ATF6: variants seen among roughly 807,000 people sequenced by gnomAD.
ATF6 encodes the protein activating transcription factor 6.
ATF6 carries 53 observed loss-of-function variants against 83.6 expected under a neutral mutation model. The observed-to-expected ratio is 0.63, with a 90% CI of 0.51 to 0.80. The LOEUF (loss-of-function observed/expected upper bound fraction) is 0.80, where lower values mean the gene tolerates loss of function less well. ATF6 is among the 30% of genes least tolerant of loss of function. The pLI, the probability that ATF6 is intolerant of heterozygous loss-of-function variation, is 0.00. For synonymous variants in ATF6, 288 were observed against 285.8 expected, an observed-to-expected ratio of 1.01 and a Z score of -0.08; for missense variants, 744 against 797.9, an observed-to-expected ratio of 0.93 and a Z score of 0.81.
chr1:161,947,222 A>G (rs1229439402), intron 15 of ATF6, among the ~76,000 whole-genome samples: 1 of 152,184 alleles, frequency 6.6e-6, no homozygotes, highest in Non-Finnish European at 1.5e-5. Flanking sequence ...TCTGACAAGG[A>G]CAAGTAGGGA....
At chr1:161,830,712 T>A (rs923963819) in intron 9 of ATF6, among the ~76,000 whole-genome samples, 3 of 152,212 alleles carry the variant, frequency 2.0e-5, no homozygotes, top group Admixed American at 2.0e-4. Context: ...ATTCCCTAAG[T>A]AATAAATGGT....
intron 9 of ATF6, among the ~76,000 whole-genome samples, chr1:161,829,699 A>G (rs1401763367): frequency 6.6e-6 from 1 of 152,162 alleles, no homozygotes; most frequent in Non-Finnish European, 1.5e-5. Flanking sequence ...ACCAAAGACA[A>G]AAACCACATA....
intron 15 of ATF6, among the ~76,000 whole-genome samples, chr1:161,919,195 G>A (rs1347109526): frequency 6.6e-6 from 1 of 152,186 alleles, no homozygotes; most frequent in African/African-American, 2.4e-5. Context: ...CTGCAAGAAA[G>A]TAAGTCTTTC....
chr1:161,879,566 A>G (rs1687283486), intron 14 of ATF6, among the ~76,000 whole-genome samples: 1 of 152,096 alleles, frequency 6.6e-6, no homozygotes, highest in South Asian at 2.1e-4. Context: ...GGGCTGTCCT[A>G]TGCAAGGAGG....
intron 9 of ATF6, chr1:161,840,005 T>C (rs1686318330): frequency 6.6e-6 from 1 of 152,164 alleles, no homozygotes; most frequent in Non-Finnish European, 1.5e-5. Flanking sequence ...AGAGGTGACA[T>C]AATAATCTGA....
At chr1:161,831,432 A>G (rs975649427) in intron 9 of ATF6, among the ~76,000 whole-genome samples, 2 of 152,208 alleles carry the variant, frequency 1.3e-5, no homozygotes, top group Admixed American at 6.5e-5. Flanking sequence ...TGACCCAGCC[A>G]TCCCATTACT....
chr1:161,846,405 A>G, intron 9 of ATF6, 44 bp from the exon 10 acceptor site: 1 of 1,577,662 alleles, frequency 6.3e-7, no homozygotes, highest in Non-Finnish European at 8.6e-7. Flanking sequence ...CATATGTGTG[A>G]CATATTTTTA....
intron 14 of ATF6, among the ~76,000 whole-genome samples, chr1:161,906,546 G>T (rs1316537650): frequency 1.3e-5 from 2 of 152,152 alleles, no homozygotes; most frequent in African/African-American, 4.8e-5. Flanking sequence ...ATCCTACAGA[G>T]TTTGACATGA....
In ATF6 at chr1:161,882,773, T is replaced by A. The variant is rs559242298; in HGVS notation, c.1719+19461T>A. On this transcript the variant is annotated intron_variant, in intron 14 of 15. Transcript: ENST00000367942. Reference sequence around the variant, plus strand: ...GGAGTCAGACAAATCTCGGTTTTAATTTTCAGTGTCCTTATCTCTAATATA... The same window carrying A: ...GGAGTCAGACAAATCTCGGTTTTAAATTTCAGTGTCCTTATCTCTAATATA... 5.5e-3 allele frequency among the ~76,000 whole-genome samples: 838 copies of A among 151,858 alleles called. 3 individuals are homozygous for A. The highest frequency in any genetic ancestry group is 0.017 in the Middle Eastern group (5 of 294).
intron 1 of ATF6, 112 bp downstream of exon 1, chr1:161,766,554 A>G (rs2101706204): frequency 1.1e-6 from 1 of 884,604 alleles, no homozygotes; most frequent in Non-Finnish European, 1.8e-6. Context: ...CTGCCTGGGG[A>G]GTGAGGCCCC....
intron 2 of ATF6, among the ~76,000 whole-genome samples, chr1:161,779,557 A>C (rs1230173564): frequency 2.6e-5 from 4 of 152,136 alleles, no homozygotes; most frequent in South Asian, 4.1e-4. Context: ...TAAATTTCTG[A>C]TGTGATAAAA....
intron 15 of ATF6, among the ~76,000 whole-genome samples, chr1:161,948,297 G>A (rs1378217281): frequency 6.6e-6 from 1 of 152,004 alleles, no homozygotes; most frequent in Non-Finnish European, 1.5e-5. Context: ...TTTCTAGATC[G>A]GTTTCCAATA....
intron 9 of ATF6, among the ~76,000 whole-genome samples, chr1:161,836,365 A>G (rs1226245193): frequency 6.6e-6 from 1 of 152,196 alleles, no homozygotes; most frequent in East Asian, 1.9e-4. Context: ...ACCACCAAGT[A>G]TACACGGTTT....
chr1:161,798,983 A>G (rs1455676893), intron 6 of ATF6, among the ~76,000 whole-genome samples: 1 of 152,248 alleles, frequency 6.6e-6, no homozygotes, highest in Middle Eastern at 3.2e-3. Flanking sequence ...AAGTGAATGC[A>G]TATACATTGC....
At chr1:161,908,685 A>C (rs536298297) in intron 14 of ATF6, among the ~76,000 whole-genome samples, 3 of 152,206 alleles carry the variant, frequency 2.0e-5, no homozygotes, top group Non-Finnish European at 4.4e-5. Context: ...CCATTCGAAG[A>C]TGTCTTAAAA....
chr1:161,837,091 G>A (rs1329954363), intron 9 of ATF6, among the ~76,000 whole-genome samples: 1 of 152,140 alleles, frequency 6.6e-6, no homozygotes. Context: ...GTGGAATCAT[G>A]CTGTGTAAGT....
intron 6 of ATF6, among the ~76,000 whole-genome samples, chr1:161,797,855 T>A (rs1370418117): frequency 6.6e-6 from 1 of 152,178 alleles, no homozygotes; most frequent in Non-Finnish European, 1.5e-5. Flanking sequence ...AGAGCCTAAA[T>A]AGCCAAAGCA....
intron 14 of ATF6, among the ~76,000 whole-genome samples, chr1:161,895,046 G>A (rs1035220802): frequency 2.0e-5 from 3 of 152,030 alleles, no homozygotes; most frequent in African/African-American, 7.2e-5. Context: ...GAACAGCCTG[G>A]CCAACATAGT....
chr1:161,823,100 G>T, intron 9 of ATF6, among the ~76,000 whole-genome samples: 1 of 151,818 alleles, frequency 6.6e-6, no homozygotes, highest in East Asian at 1.9e-4. Context: ...AGTTACCAAG[G>T]ATCCCAAATA....
Sources: gnomAD v4.1 joint callset for allele counts (sites outside exome capture counted in the v4.1 genomes callset) on GRCh38, gnomAD v4.1.1 for gene constraint, MANE v1.5 for transcripts, NCBI Gene and HGNC (gene_info 2026-07-23, HGNC 2026-07-21) for gene names.